The following ASXL3 variants were observed in gnomAD, a reference collection of about 807,000 sequenced individuals.
The protein encoded by ASXL3 is ASXL transcriptional regulator 3, also known as putative Polycomb group protein ASXL3.
Under a neutral mutation model 170.6 loss-of-function variants are expected in ASXL3, and 34 were observed. That is an observed-to-expected ratio of 0.20 (90% CI 0.15 to 0.27). ASXL3 has a LOEUF of 0.27. ASXL3 is among the 10% of genes least tolerant of loss of function. The pLI is 1.00. For missense variants in ASXL3, 2,592 were observed against 2,695.3 expected, an observed-to-expected ratio of 0.96 and a Z score of 0.85; for synonymous variants, 1,002 against 989.1, an observed-to-expected ratio of 1.01 and a Z score of -0.24.
At chr18:33,663,954 T>A (rs555011725) in intron 5 of ASXL3, among the ~76,000 whole-genome samples, 2 of 152,072 alleles carry the variant, frequency 1.3e-5, no homozygotes, top group African/African-American at 2.4e-5. Context: ...TATTTCCATA[T>A]ACATATGATC....
chr18:33,744,657 A>G lies in ASXL3; in HGVS notation c.4809A>G (p.Pro1603=), dbSNP rs547239225. The change falls in exon 12 of 12, where the codon CCA becomes CCG. Residue 1603 remains proline, a synonymous_variant. Transcript: ENST00000269197. Reference sequence around the variant, plus strand: ...CAACCTGTAGCAATCAGTATAACCCAAGTAACCGGATTTGCTGGAATGATG... The same window carrying G: ...CAACCTGTAGCAATCAGTATAACCCGAGTAACCGGATTTGCTGGAATGATG... ...ADTTCSNQYN[P]SNRICWNDDG... is the part of the protein sequence containing the mutation. 3.7e-6 allele frequency: 6 copies of G among 1,607,578 alleles called. No homozygotes were observed. The highest frequency in any genetic ancestry group is 1.3e-5 in the African/African-American group (1 of 74,940).
chr18:33,683,633 A>G lies in ASXL3; in HGVS notation c.879+65A>G, dbSNP rs538917633. ...TATATTATGATGAAGTGGAAGGTCT[A>G]TTATCAAAGATGACTTATATATGGA... On this transcript the variant is annotated intron_variant, in intron 8 of 11. Transcript: ENST00000269197. 4.2e-4 allele frequency: 612 copies of G among 1,440,098 alleles called. 1 individual carries two copies. Among genetic ancestry groups the G allele is most frequent in the Middle Eastern group, 1.5e-3 (8 of 5,504 alleles). The allele number at this position is 1,440,098 out of a possible 1,614,324, so 89.2% of individuals were successfully genotyped here.
intron 2 of ASXL3, among the ~76,000 whole-genome samples, chr18:33,633,972 T>C (rs1347169688): frequency 6.6e-6 from 1 of 152,052 alleles, no homozygotes; most frequent in African/African-American, 2.4e-5. Context: ...TGTAAAAATC[T>C]AAACCATAAA....
intron 3 of ASXL3, 40 bp downstream of exon 3, chr18:33,645,042 A>G (rs1401096177): frequency 1.3e-5 from 18 of 1,370,636 alleles, no homozygotes; most frequent in African/African-American, 7.3e-5. Flanking sequence ...TACTATTATC[A>G]TGCATTTTTT....
intron 7 of ASXL3, among the ~76,000 whole-genome samples, chr18:33,675,255 C>T (rs1203844845): frequency 6.6e-6 from 1 of 152,162 alleles, no homozygotes; most frequent in Non-Finnish European, 1.5e-5. Flanking sequence ...TGGAGAAGGT[C>T]ATTCTTTGCA....
chr18:33,619,430 A>T (rs2065475633), intron 2 of ASXL3, among the ~76,000 whole-genome samples: 1 of 140,574 alleles, frequency 7.1e-6, no homozygotes, highest in Admixed American at 7.3e-5. Context: ...CCTAGTTGTA[A>T]ATAGTTTTGA....
At chr18:33,587,390 A>T (rs2065043406) in intron 1 of ASXL3, among the ~76,000 whole-genome samples, 1 of 152,120 alleles carries the variant, frequency 6.6e-6, no homozygotes, top group Non-Finnish European at 1.5e-5. Flanking sequence ...TATTTAATCA[A>T]CTTCTCTGTT....
intron 2 of ASXL3, among the ~76,000 whole-genome samples, chr18:33,613,848 C>T (rs936185362): frequency 4.6e-5 from 7 of 152,006 alleles, no homozygotes; most frequent in South Asian, 2.1e-4. Flanking sequence ...TCACTTGAGC[C>T]GATGTGGTCA....
In ASXL3 at chr18:33,714,246, G is replaced by A. The variant is rs143643288; in HGVS notation, c.880-17722G>A. ...CATTTAAACTCTGTGTTCATACTTT[G>A]TGTTGCTTTGCGTCTCAACAATGTC... On this transcript the variant is annotated intron_variant, in intron 8 of 11. Coordinates refer to ENST00000269197, the MANE Select transcript of ASXL3 (RefSeq NM_030632.3). Among the ~76,000 whole-genome samples the A allele has an allele frequency of 2.2e-3, 339 of 152,136 alleles. 3 individuals carry two copies. The highest frequency in any genetic ancestry group is 7.8e-3 in the African/African-American group (324 of 41,508).
At chr18:33,695,155 T>C (rs2145312969) in intron 8 of ASXL3, among the ~76,000 whole-genome samples, 1 of 152,302 alleles carries the variant, frequency 6.6e-6, no homozygotes, top group Admixed American at 6.5e-5. Context: ...TAATGAAATG[T>C]CAATTTACTT....
At chr18:33,589,976 C>A (rs150943823) in intron 1 of ASXL3, among the ~76,000 whole-genome samples, 1 of 151,806 alleles carries the variant, frequency 6.6e-6, no homozygotes, top group South Asian at 2.1e-4. Context: ...GAGTTTCTCC[C>A]GGTTACAAGT....
chr18:33,607,968 T>G (rs2065275052), intron 2 of ASXL3, among the ~76,000 whole-genome samples: 1 of 151,970 alleles, frequency 6.6e-6, no homozygotes, highest in Non-Finnish European at 1.5e-5. Flanking sequence ...AAGAGGAGAT[T>G]GTGTTTCTGA....
chr18:33,642,393 T>A (rs2065858187), intron 2 of ASXL3, among the ~76,000 whole-genome samples: 1 of 151,828 alleles, frequency 6.6e-6, no homozygotes, highest in South Asian at 2.1e-4. Flanking sequence ...ATTGTTTTTT[T>A]AAAAAAACGG....
intron 4 of ASXL3, among the ~76,000 whole-genome samples, chr18:33,652,367 A>G (rs2066012489): frequency 6.6e-6 from 1 of 152,008 alleles, no homozygotes; most frequent in South Asian, 2.1e-4. Context: ...TCCTCTATCT[A>G]TAAATTGTTA....
chr18:33,600,757 A>G lies in ASXL3; in HGVS notation c.55-6837A>G, dbSNP rs370511359. Among the ~76,000 whole-genome samples the G allele has an allele frequency of 5.9e-5, 9 of 152,102 alleles. No individual in the cohort carries two copies. The East Asian group carries it at 7.7e-4, about 13-fold the overall frequency. The stretch of plus-strand genomic sequence containing the variant: ...ATTTCATCTGCAAATTCAGGGAATG[A>G]CCACTTTGTTTGAAACTCCAAAAAC... On this transcript the variant is annotated intron_variant, in intron 1 of 11. Coordinates refer to ENST00000269197, the MANE Select transcript of ASXL3 (RefSeq NM_030632.3).
chr18:33,649,615 A>G (rs775859273), intron 4 of ASXL3: 1 of 152,230 alleles, frequency 6.6e-6, no homozygotes, highest in East Asian at 1.9e-4. Context: ...GAAGATGTGT[A>G]TAGTGACTGA....
intron 1 of ASXL3, among the ~76,000 whole-genome samples, chr18:33,597,774 G>C (rs2065142207): frequency 6.9e-6 from 1 of 145,554 alleles, no homozygotes; most frequent in Admixed American, 7.0e-5. Flanking sequence ...ATGTATTGGT[G>C]TCTCAGTTCT....
At position 33,588,783 on chromosome 18, in the gene ASXL3, G is replaced by A. The variant is rs2065054456; in HGVS notation, c.54+10098G>A. Among the ~76,000 whole-genome samples, 3 of 152,036 alleles carry A rather than the reference G, an allele frequency of 2.0e-5. No individual in the cohort carries two copies. In the South Asian group the frequency reaches 6.2e-4, roughly 32 times the overall value. ...CCATTTGCATTTTCATAGCAACAATGAAGTCCACAACATTAAAGCTGAATG... is the reference window on the plus strand; with the variant it reads ...CCATTTGCATTTTCATAGCAACAATAAAGTCCACAACATTAAAGCTGAATG... On this transcript the variant is annotated intron_variant, in intron 1 of 11. Coordinates refer to ENST00000269197, the MANE Select transcript of ASXL3 (RefSeq NM_030632.3).
chr18:33,628,948 A>G (rs1033667239), intron 2 of ASXL3, among the ~76,000 whole-genome samples: 2 of 152,118 alleles, frequency 1.3e-5, no homozygotes, highest in Non-Finnish European at 1.5e-5. Context: ...GTCTCTCATC[A>G]TTACAATAGA....
Sources: gnomAD v4.1 joint callset for allele counts (sites outside exome capture counted in the v4.1 genomes callset) on GRCh38, gnomAD v4.1.1 for gene constraint, MANE v1.5 for transcripts, NCBI Gene and HGNC (gene_info 2026-07-23, HGNC 2026-07-21) for gene names.